The following STAT6 variants were observed in gnomAD, a reference collection of about 807,000 sequenced individuals.
The protein encoded by STAT6 is signal transducer and activator of transcription 6, also known as STAT, interleukin4-induced.
Under a neutral mutation model 106.3 loss-of-function variants are expected in STAT6, and 45 were observed. The observed-to-expected ratio is 0.42, with a 90% CI of 0.33 to 0.54. The LOEUF (loss-of-function observed/expected upper bound fraction) is 0.54, where lower values mean the gene tolerates loss of function less well. STAT6 is among the 20% of genes least tolerant of loss of function. The pLI is 0.06. For missense variants in STAT6, 797 were observed against 1,062.2 expected (o/e 0.75, Z 3.47); for synonymous variants, 413 against 413.6 (o/e 1.00, Z 0.02).
intron 13 of STAT6, among the ~76,000 whole-genome samples, chr12:57,101,461 A>G (rs923560768): frequency 8.6e-5 from 12 of 138,860 alleles, no homozygotes; most frequent in African/African-American, 2.8e-4. Flanking sequence ...TGCAGCCTCT[A>G]CCTCCTGGGT....
At position 57,098,908 on chromosome 12, in the gene STAT6, G is replaced by C; in HGVS notation, c.1956-6C>G. The C allele has an allele frequency of 6.2e-7, 1 of 1,613,548 alleles. No individual in the cohort carries two copies. On this transcript the variant is annotated splice_region_variant and splice_polypyrimidine_tract_variant and intron_variant, in intron 17 of 21. Coordinates refer to ENST00000300134, the MANE Select transcript of STAT6 (RefSeq NM_003153.5). ...GGGTAGGAAGTGGTTGGTCCCTGGAGGAGGGAAGGAGGTACATGTGACTGA... is the reference window on the plus strand; with the variant it reads ...GGGTAGGAAGTGGTTGGTCCCTGGACGAGGGAAGGAGGTACATGTGACTGA...
rs1380984185 is a variant in STAT6, at chr12:57,102,337, T to C, written c.1465A>G (p.Met489Val). ...QKIFNDNSLS[M>V]EAFQHRSVSW... ...ACAGAACGGTGCTGGAAGGCCTCCA[T>C]ACTGAGGCTGTTGTCATTGAAGATC... The change falls in exon 13 of 22, where the codon ATG becomes GTG. Residue 489 changes from methionine (M) to valine (V), a missense_variant. Around this residue, in one of 4 missense-constraint regions of STAT6, gnomAD observed 222 missense variants for 354.6 expected, o/e 0.63. Coordinates refer to ENST00000300134, the MANE Select transcript of STAT6 (RefSeq NM_003153.5). The C allele has an allele frequency of 2.5e-6, 4 of 1,614,004 alleles. No homozygotes were observed. The African/African-American group carries it at 4.0e-5, about 16-fold the overall frequency.
chr12:57,109,016 G>C (rs1020684360), intron 1 of STAT6, among the ~76,000 whole-genome samples: 1 of 152,122 alleles, frequency 6.6e-6, no homozygotes, highest in Non-Finnish European at 1.5e-5. Context: ...GGCTAACACA[G>C]TGAAACCCCA....
chr12:57,100,676 GAA>G (rs548578114), intron 13 of STAT6, among the ~76,000 whole-genome samples: 23 of 47,504 alleles, frequency 4.8e-4, no homozygotes, highest in African/African-American at 1.4e-3. Flanking sequence ...AAGAAAGAAA[GAA>G]AGAAAGAAAG....
chr12:57,100,741 AG>A, intron 13 of STAT6: 1 of 252,216 alleles, frequency 4.0e-6, no homozygotes, highest in South Asian at 3.1e-5. Flanking sequence ...AAAGAAAGAA[AG>A]AAAGAAAAGA....
Position 57,099,591 on chromosome 12 carries a change from T to C in STAT6, c.1745-151A>G. 7.2e-7 allele frequency: 1 copy of C among 1,390,192 alleles called. No individual in the cohort carries two copies. The highest frequency in any genetic ancestry group is 9.8e-7 in the Non-Finnish European group (1 of 1,018,982). The allele number at this position is 1,390,192 out of a possible 1,614,324, so 86.1% of individuals were successfully genotyped here. A position where few individuals can be genotyped will look rare whatever the true frequency, so the allele number is the denominator to read the frequency against. ...AGGGAGAGAGACCCACTAGTCTCCG[T>C]TCCCACAGAGCTCACAGTGAGAAGG... On this transcript the variant is annotated intron_variant, in intron 15 of 21. Transcript: ENST00000300134. The surrounding 1 kb of genome is among the most constrained non-coding windows in gnomAD (Gnocchi z 4.7).
At chr12:57,109,440 C>T (rs2034464181) in intron 1 of STAT6, among the ~76,000 whole-genome samples, 1 of 152,148 alleles carries the variant, frequency 6.6e-6, no homozygotes, top group South Asian at 2.1e-4. Flanking sequence ...CAAGGCCACT[C>T]AGTAAGTGAG....
At position 57,107,325 on chromosome 12, in the gene STAT6, G is replaced by A. The variant is rs764653254; in HGVS notation, c.256-11C>T. ...CCTCTGATATATGCTCTACAGAAAT[G>A]AGGGTGGTAAACAGTGAGCTTTGCT... On this transcript the variant is annotated splice_polypyrimidine_tract_variant and intron_variant, in intron 3 of 21. Coordinates refer to ENST00000300134, the MANE Select transcript of STAT6 (RefSeq NM_003153.5). 4 of 1,612,710 alleles carry A rather than the reference G, an allele frequency of 2.5e-6. No individual in the cohort carries two copies. In the Admixed American group the frequency reaches 6.7e-5, roughly 27 times the overall value.
intron 3 of STAT6, 32 bp from the exon 4 acceptor site, chr12:57,107,346 T>G (rs368646741): frequency 1.6e-5 from 25 of 1,596,574 alleles, no homozygotes; most frequent in Non-Finnish European, 2.1e-5. Context: ...ACAGTGAGCT[T>G]TGCTCTTACC....
At position 57,099,400 on chromosome 12, in the gene STAT6, T is replaced by A; in HGVS notation, c.1785A>T (p.Lys595Asn). The change falls in exon 16 of 22, where the codon AAA becomes AAT. Residue 595 changes from lysine (K) to asparagine (N), a missense_variant. This residue lies in a region of STAT6 where 222 missense variants were observed against 354.6 expected (regional missense o/e 0.63). Coordinates refer to ENST00000300134, the MANE Select transcript of STAT6 (RefSeq NM_003153.5). The surrounding 1 kb of genome is among the most constrained non-coding windows in gnomAD (Gnocchi z 4.7). Reference sequence around the variant, plus strand: ...CCCCCAGTGAGCGAATGGACAGGTCTTTGGCAGAGAATGGCTGGATGTTCT... The same window carrying A: ...CCCCCAGTGAGCGAATGGACAGGTCATTGGCAGAGAATGGCTGGATGTTCT... ...QIENIQPFSA[K>N]DLSIRSLGDR... is the part of the protein sequence containing the mutation. 2 of 1,614,150 alleles carry A rather than the reference T, an allele frequency of 1.2e-6. No homozygotes were observed. Among genetic ancestry groups the A allele is most frequent in the Non-Finnish European group, 1.7e-6 (2 of 1,180,016 alleles).
chr12:57,107,362 C>A (rs1429541558), intron 3 of STAT6, 48 bp from the exon 4 acceptor site: 2 of 1,546,592 alleles, frequency 1.3e-6, no homozygotes, highest in Non-Finnish European at 1.8e-6. Context: ...TTACCCATGT[C>A]CTTCAATCCC....
At position 57,105,312 on chromosome 12, in the gene STAT6, G is replaced by C. The variant is rs898983456; in HGVS notation, c.840C>G (p.Pro280=). ...ACTTGGTCTGAGTCTTCAGTACCTG[G>C]GGGGGCTGCTTCTCCACCAGGAAGC... is the stretch of plus-strand genomic sequence containing the variant. ...TSCFLVEKQP[P]QVLKTQTKFQ... Residue 280 remains proline, a synonymous_variant, in exon 9 of 22, where the codon CCC becomes CCG. Transcript: ENST00000300134. 3 of 1,613,958 alleles carry C rather than the reference G, an allele frequency of 1.9e-6. No individual in the cohort carries two copies. The highest frequency in any genetic ancestry group is 1.3e-5 in the African/African-American group (1 of 74,910).
chr12:57,102,991 T>A, intron 11 of STAT6, 70 bp from the exon 12 acceptor site: 6 of 115,372 alleles, frequency 5.2e-5, no homozygotes, highest in South Asian at 9.7e-5. Flanking sequence ...TTTTTTTTTT[T>A]TTTTTTTTTT....
intron 6 of STAT6, 69 bp from the exon 7 acceptor site, chr12:57,106,408 CTT>C: frequency 1.9e-6 from 3 of 1,608,762 alleles, no homozygotes; most frequent in Non-Finnish European, 2.6e-6. Context: ...GGATACGGCT[CTT>C]TTTCTCACTC....
In STAT6 at chr12:57,100,074, C is replaced by T. The variant is rs752798160; in HGVS notation, c.1529G>A (p.Arg510His). Reference protein sequence around the residue: ...SQFNKEILLGRGFTFWQWFDG... With the variant: ...SQFNKEILLGHGFTFWQWFDG... ...AAACCACTGCCAAAAGGTGAAGCCA[C>T]GGCCCAGCAGGATCTCCTAGGGGGA... Residue 510 changes from arginine to histidine, a missense_variant, in exon 14 of 22, where the codon CGT (arginine) becomes CAT (histidine). Arg to His is a conservative substitution (Grantham distance 29). Around this residue, in one of 4 missense-constraint regions of STAT6, gnomAD observed 222 missense variants for 354.6 expected, o/e 0.63. Transcript: ENST00000300134. The T allele has an allele frequency of 3.7e-6, 6 of 1,604,536 alleles. No individual in the cohort carries two copies. The highest frequency in any genetic ancestry group is 4.3e-6 in the Non-Finnish European group (5 of 1,175,514).
Position 57,096,367 on chromosome 12 carries a change from G to C in STAT6, c.*205C>G. On this transcript the variant is annotated 3_prime_UTR_variant, in exon 22 of 22. Coordinates refer to ENST00000300134, the MANE Select transcript of STAT6 (RefSeq NM_003153.5). ...TCCAGTCAGTGCTGGAAGGAGGTGG[G>C]CAGGGGAATGATAGAAAGGAAGGAG... 1 of 582,004 alleles carries C rather than the reference G, an allele frequency of 1.7e-6. No homozygotes were observed. The highest frequency in any genetic ancestry group is 3.0e-6 in the Non-Finnish European group (1 of 332,210). The allele number at this position is 582,004 out of a possible 1,614,324, so 36.1% of individuals were successfully genotyped here.
Position 57,111,255 on chromosome 12 carries a change from CA to C in STAT6, c.-149del. Reference sequence around the variant, plus strand: ...ACCTCCCCCCTTCCACCACCACCACCAAAAAGAAAAATAAGATAAAGCACAC... The same window carrying C: ...ACCTCCCCCCTTCCACCACCACCACCAAAAGAAAAATAAGATAAAGCACAC... On this transcript the variant is annotated 5_prime_UTR_variant, in exon 1 of 22. The change abolishes the stop of an existing upstream ORF in the 5' untranslated region. Transcript: ENST00000300134. The C allele has an allele frequency of 6.5e-6, 1 of 152,778 alleles. No individual in the cohort carries two copies. Among genetic ancestry groups the C allele is most frequent in the Non-Finnish European group, 1.5e-5 (1 of 68,906 alleles). 9.5% of individuals were successfully genotyped at this position (152,778 alleles called of 1,614,324 possible). A position where few individuals can be genotyped will look rare whatever the true frequency, so the allele number is the denominator to read the frequency against.
intron 9 of STAT6, 93 bp from the exon 10 acceptor site, chr12:57,104,906 G>T: frequency 7.0e-7 from 1 of 1,426,454 alleles, no homozygotes; most frequent in Non-Finnish European, 9.8e-7. Context: ...ACTGTCACCA[G>T]CCCTAAATCT....
chr12:57,109,870 G>C (rs997915745), intron 1 of STAT6: 1 of 152,106 alleles, frequency 6.6e-6, no homozygotes, highest in Non-Finnish European at 1.5e-5. Flanking sequence ...GGAGAGGATG[G>C]GATGACAACT....
Sources: allele counts gnomAD v4.1 joint callset (sites outside exome capture counted in the v4.1 genomes callset), GRCh38; gene constraint gnomAD v4.1.1; regional missense constraint gnomAD v4.1.1; non-coding constraint Gnocchi (gnomAD v3.1); transcripts MANE v1.5; gene names NCBI Gene and HGNC (gene_info 2026-07-23, HGNC 2026-07-21).